Variants in SGCZ observed in about 807,000 individuals in gnomAD.
The protein encoded by SGCZ is zeta-sarcoglycan.
A neutral mutation model predicts 41.3 loss-of-function variants in SGCZ; 40 were observed. The ratio of observed to expected loss-of-function variants is 0.97; its 90% CI spans 0.75 to 1.26. SGCZ has a LOEUF of 1.26. SGCZ is among the 50% of genes most tolerant of loss of function. The pLI, the probability that SGCZ is intolerant of heterozygous loss-of-function variation, is 0.00. For synonymous variants in SGCZ, 206 were observed against 137.5 expected (o/e 1.50, Z -3.49); for missense variants, 552 against 369.8 (o/e 1.49, Z -4.04).
chr8:14,863,142 G>A (rs1006419941), intron 1 of SGCZ, among the ~76,000 whole-genome samples: 9 of 152,102 alleles, frequency 5.9e-5, no homozygotes, highest in African/African-American at 2.2e-4. Context: ...CCAGGAATGG[G>A]CAGTGCAGGG....
In SGCZ at chr8:14,784,332, G is replaced by A. The variant is rs902366752; in HGVS notation, c.40-229406C>T. ...CTCCCAAATTTCTGGGATTACAGAC[G>A]TAAGCCACCATGACTGGCCCCTTTT... On this transcript the variant is annotated intron_variant, in intron 1 of 7. Coordinates refer to ENST00000382080, the MANE Select transcript of SGCZ (RefSeq NM_139167.4). Among the ~76,000 whole-genome samples, 26 of 151,990 alleles carry A rather than the reference G, an allele frequency of 1.7e-4. No homozygotes were observed. In the East Asian group the frequency reaches 3.5e-3, roughly 20 times the overall value.
chr8:14,489,954 G>A (rs763228131), intron 2 of SGCZ, among the ~76,000 whole-genome samples: 1 of 147,792 alleles, frequency 6.8e-6, no homozygotes, highest in South Asian at 2.1e-4. Flanking sequence ...TGCAACCTCC[G>A]CCTCCCAGGT....
chr8:14,257,363 G>A (rs1168507376), intron 3 of SGCZ, among the ~76,000 whole-genome samples: 1 of 145,492 alleles, frequency 6.9e-6, no homozygotes, highest in African/African-American at 2.5e-5. Context: ...AAAAAAAGAA[G>A]AAAGAAAACA....
At chr8:15,019,391 G>T (rs766885026) in intron 1 of SGCZ, among the ~76,000 whole-genome samples, 1 of 152,158 alleles carries the variant, frequency 6.6e-6, no homozygotes, top group Non-Finnish European at 1.5e-5. Context: ...GGAAGTTAGA[G>T]CTGCTTAATG....
At chr8:15,033,638 G>T (rs756658806) in intron 1 of SGCZ, among the ~76,000 whole-genome samples, 1 of 152,044 alleles carries the variant, frequency 6.6e-6, no homozygotes, top group Non-Finnish European at 1.5e-5. Context: ...AGTTCCCATG[G>T]CCTAAAGCTC....
chr8:14,920,444 C>T (rs187026604), intron 1 of SGCZ, among the ~76,000 whole-genome samples: 37 of 151,992 alleles, frequency 2.4e-4, no homozygotes, highest in South Asian at 2.3e-3. Context: ...TTTAAAGGGA[C>T]GAAATGTTTA....
chr8:14,349,087 G>C (rs1016519201), intron 2 of SGCZ, among the ~76,000 whole-genome samples: 1 of 151,966 alleles, frequency 6.6e-6, no homozygotes, highest in African/African-American at 2.4e-5. Flanking sequence ...GTAAATTGTG[G>C]GTAGATTTCA....
At chr8:14,954,127 T>C (rs1282588861) in intron 1 of SGCZ, among the ~76,000 whole-genome samples, 3 of 152,338 alleles carry the variant, frequency 2.0e-5, no homozygotes, top group African/African-American at 7.2e-5. Context: ...ATCAGATAGA[T>C]GCATAATGTA....
At chr8:15,087,757 C>T (rs913134665) in intron 1 of SGCZ, among the ~76,000 whole-genome samples, 2 of 152,034 alleles carry the variant, frequency 1.3e-5, no homozygotes, top group African/African-American at 4.8e-5. Flanking sequence ...AGTAAAGCTT[C>T]AAAGAATGAA....
chr8:15,041,755 T>TTTTTTTTTTTTTTTTTTTTTTTTTTTTTG (rs1554545238), intron 1 of SGCZ, among the ~76,000 whole-genome samples: 3 of 152,124 alleles, frequency 2.0e-5, no homozygotes, highest in South Asian at 2.1e-4. Context: ...AAAGACTTTT[T>TTTTTTTTTTTTTTTTTTTTTTTTTTTTTG]AATTCTTATA....
At chr8:14,227,013 G>T (rs10087349) in intron 4 of SGCZ, among the ~76,000 whole-genome samples, 1 of 152,016 alleles carries the variant, frequency 6.6e-6, no homozygotes, top group African/African-American at 2.4e-5. Context: ...ACTCTAGTGT[G>T]CTTTAGGTAG....
At chr8:14,971,922 TTTTGCATGCTA>T (rs1801312064) in intron 1 of SGCZ, among the ~76,000 whole-genome samples, 1 of 152,128 alleles carries the variant, frequency 6.6e-6, no homozygotes, top group Non-Finnish European at 1.5e-5. Context: ...TTTTATATAC[TTTTGCATGCTA>T]TTTGCAAAAC....
intron 1 of SGCZ, among the ~76,000 whole-genome samples, chr8:14,922,094 T>C (rs1799604469): frequency 1.3e-5 from 2 of 152,128 alleles, no homozygotes; most frequent in Non-Finnish European, 2.9e-5. Flanking sequence ...GCTTAATCCC[T>C]GCTTTAGCTG....
chr8:14,557,616 A>G (rs1804072853), intron 1 of SGCZ, among the ~76,000 whole-genome samples: 1 of 152,038 alleles, frequency 6.6e-6, no homozygotes, highest in South Asian at 2.1e-4. Flanking sequence ...GTGGGAGATG[A>G]GGATCCAGTT....
intron 1 of SGCZ, among the ~76,000 whole-genome samples, chr8:14,658,023 G>C (rs2083657): frequency 1.3e-5 from 2 of 151,910 alleles, no homozygotes; most frequent in Admixed American, 1.3e-4. Context: ...AAACTACTGA[G>C]GATACATTTG....
At chr8:14,653,872 C>G (rs1807478402) in intron 1 of SGCZ, among the ~76,000 whole-genome samples, 1 of 152,072 alleles carries the variant, frequency 6.6e-6, no homozygotes, top group South Asian at 2.1e-4. Flanking sequence ...CTCATAGAAT[C>G]ATAATCCTTT....
intron 3 of SGCZ, among the ~76,000 whole-genome samples, chr8:14,280,269 A>G (rs964940387): frequency 7.9e-5 from 12 of 151,910 alleles, no homozygotes; most frequent in African/African-American, 2.9e-4. Flanking sequence ...GGAGAAAAAT[A>G]TGATATTCAC....
chr8:14,234,347 C>T (rs1806680715), intron 4 of SGCZ, among the ~76,000 whole-genome samples: 1 of 151,824 alleles, frequency 6.6e-6, no homozygotes, highest in African/African-American at 2.4e-5. Context: ...GGAAGCTAGG[C>T]TTACAGAGAA....
At chr8:14,840,512 T>C (rs1802866360) in intron 1 of SGCZ, among the ~76,000 whole-genome samples, 1 of 152,078 alleles carries the variant, frequency 6.6e-6, no homozygotes, top group Non-Finnish European at 1.5e-5. Flanking sequence ...CTAGAAAATA[T>C]CATTTCTAGT....
Sources: allele counts gnomAD v4.1 joint callset (sites outside exome capture counted in the v4.1 genomes callset), GRCh38; gene constraint gnomAD v4.1.1; transcripts MANE v1.5; gene names NCBI Gene and HGNC (gene_info 2026-07-23, HGNC 2026-07-21).